ATP12A: variants seen among roughly 807,000 people sequenced by gnomAD.
The protein encoded by ATP12A is potassium-transporting ATPase alpha chain 2.
In ATP12A, 81 loss-of-function variants were observed where a neutral mutation model predicts 111.2. That is an observed-to-expected ratio of 0.73 (90% CI 0.61 to 0.88). The LOEUF (loss-of-function observed/expected upper bound fraction) is 0.88. Ranked by LOEUF, ATP12A falls within the 40% of genes least tolerant of loss-of-function variation. The probability of loss-of-function intolerance (pLI) is 0.00; values close to 1 mark genes in which losing one functional copy is unlikely to be tolerated. For missense variants in ATP12A, 1,196 were observed against 1,313.1 expected, an observed-to-expected ratio of 0.91 and a Z score of 1.38; for synonymous variants, 498 against 499.8, an observed-to-expected ratio of 1.00 and a Z score of 0.05.
At position 24,689,317 on chromosome 13, in the gene ATP12A, A is replaced by C; in HGVS notation, c.488A>C (p.Tyr163Ser). The change falls in exon 5 of 23, where the codon TAT (tyrosine) becomes TCT (serine). Residue 163 changes from tyrosine to serine, a missense_variant. Tyr to Ser is a moderately radical substitution (Grantham distance 144, BLOSUM62 -2). Coordinates refer to ENST00000381946, the MANE Select transcript of ATP12A (RefSeq NM_001676.7). ...LVVILTGIFA[Y>S]YQEAKSTNIM... Reference sequence around the variant, plus strand: ...GTCATTTTAACGGGGATCTTTGCTTATTACCAAGAGGCAAAAAGCACCAAC... The same window carrying C: ...GTCATTTTAACGGGGATCTTTGCTTCTTACCAAGAGGCAAAAAGCACCAAC... 1 of 1,614,034 alleles carries C rather than the reference A, an allele frequency of 6.2e-7. No individual in the cohort carries two copies. The highest frequency in any genetic ancestry group is 8.5e-7 in the Non-Finnish European group (1 of 1,179,986).
chr13:24,710,343 C>G (rs1293691413), intron 19 of ATP12A, 117 bp from the exon 20 acceptor site: 204 of 1,255,758 alleles, frequency 1.6e-4, no homozygotes, highest in Non-Finnish European at 2.1e-5. Flanking sequence ...AGAAGGTGGT[C>G]CATTCTCAGT....
intron 11 of ATP12A, 26 bp downstream of exon 11, chr13:24,694,604 T>A: frequency 6.2e-7 from 1 of 1,611,282 alleles, no homozygotes; most frequent in Non-Finnish European, 8.5e-7. Flanking sequence ...CAACCGGTAA[T>A]CTCTGTCATC....
At position 24,708,942 on chromosome 13, in the gene ATP12A, A is replaced by AAAGAAAGGAAGG. The variant is rs1566078294; in HGVS notation, c.2494-415_2494-414insGAAGGAAGAAAG. Reference sequence around the variant, plus strand: ...GAAAGAAAGAAAGAAAGAAAGAAAGAAAGAAAGAAAGAAAGAAAGAAGGAA... The same window carrying AAAGAAAGGAAGG: ...GAAAGAAAGAAAGAAAGAAAGAAAGAAAGAAAGGAAGGAAGAAAGAAAGAAAGAAAGAAGGAA... On this transcript the variant is annotated intron_variant, in intron 17 of 22. Coordinates refer to ENST00000381946, the MANE Select transcript of ATP12A (RefSeq NM_001676.7). Among the ~76,000 whole-genome samples, 68 of 107,858 alleles carry AAAGAAAGGAAGG rather than the reference A, an allele frequency of 6.3e-4. 1 individual carries two copies. Among genetic ancestry groups the AAAGAAAGGAAGG allele is most frequent in the Middle Eastern group, 3.9e-3 (1 of 254 alleles). The allele number at this position is 107,858 out of a possible 152,430, so 70.8% of individuals were successfully genotyped here.
chr13:24,705,394 T>A, intron 14 of ATP12A, among the ~76,000 whole-genome samples: 1 of 152,156 alleles, frequency 6.6e-6, no homozygotes, highest in East Asian at 1.9e-4. Context: ...GATTCCGGGG[T>A]CTGCTCCAAG....
chr13:24,702,088 C>T lies in ATP12A; in HGVS notation c.2018+17C>T. The T allele has an allele frequency of 6.2e-7, 1 of 1,614,132 alleles. No individual in the cohort carries two copies. The highest frequency in any genetic ancestry group is 8.5e-7 in the Non-Finnish European group (1 of 1,179,998). On this transcript the variant is annotated intron_variant, in intron 14 of 22. Transcript: ENST00000381946. ...TAACAAACGGTAAGCACAGGAGCAG[C>T]ATAGTAAAAATTCCAGTTTATACCC...
chr13:24,711,151 T>C (rs1875949778), intron 21 of ATP12A, among the ~76,000 whole-genome samples, 167 bp from the exon 22 acceptor site: 1 of 152,214 alleles, frequency 6.6e-6, no homozygotes. Context: ...GCAGTCACAG[T>C]GCAGGTTAAA....
At chr13:24,698,633 A>G in intron 11 of ATP12A, 25 bp from the exon 12 acceptor site, 2 of 1,608,438 alleles carry the variant, frequency 1.2e-6, no homozygotes, top group Non-Finnish European at 1.7e-6. Flanking sequence ...TCTGTAAGTA[A>G]CACGCTCAGT....
In ATP12A at chr13:24,707,167, T is replaced by A. The variant is rs2137720381; in HGVS notation, c.2314T>A (p.Ser772Thr). 6.2e-7 allele frequency: 1 copy of A among 1,613,990 alleles called. No homozygotes were observed. Among genetic ancestry groups the A allele is most frequent in the Non-Finnish European group, 8.5e-7 (1 of 1,179,922 alleles). The change falls in exon 16 of 23, where the codon TCC (serine) becomes ACC (threonine). Residue 772 changes from serine to threonine, a missense_variant. Coordinates refer to ENST00000381946, the MANE Select transcript of ATP12A (RefSeq NM_001676.7). ...GGTCTTGCTGGACGACAACTTCGCA[T>A]CCATCGTCACAGGGGTGGAGGAAGG... ...DMVLLDDNFA[S>T]IVTGVEEGRL...
Position 24,706,421 on chromosome 13 carries a change from C to T in ATP12A, c.2127C>T (p.Ser709=). 1 of 1,614,184 alleles carries T rather than the reference C, an allele frequency of 6.2e-7. No individual in the cohort carries two copies. Among genetic ancestry groups the T allele is most frequent in the Non-Finnish European group, 8.5e-7 (1 of 1,180,024 alleles). Residue 709 remains serine (S), a synonymous_variant, in exon 15 of 23, where the codon TCC becomes TCT. Coordinates refer to ENST00000381946, the MANE Select transcript of ATP12A (RefSeq NM_001676.7). ...AGGAGATTGTCTTTGCCCGGACATC[C>T]CCCCAGCAGAAGCTGATCATTGTGG... ...NYQEIVFART[S]PQQKLIIVEG...
chr13:24,682,478 G>A (rs1402705280), intron 2 of ATP12A, among the ~76,000 whole-genome samples: 1 of 151,548 alleles, frequency 6.6e-6, no homozygotes, highest in East Asian at 1.9e-4. Context: ...CTGCATTCTG[G>A]TTGGAGGCAG....
rs376621343 is a variant in ATP12A, at chr13:24,709,862, T to C, written c.2763+34T>C. The C allele has an allele frequency of 3.7e-6, 6 of 1,610,814 alleles. No homozygotes were observed. The African/African-American group carries it at 6.7e-5, about 18-fold the overall frequency. On this transcript the variant is annotated intron_variant, in intron 19 of 22. Coordinates refer to ENST00000381946, the MANE Select transcript of ATP12A (RefSeq NM_001676.7). ...CGGGAGCCCTGCTGCAGAGTCCACC[T>C]GATTCTCTCCATGCTCATTGCCCTG...
intron 12 of ATP12A, among the ~76,000 whole-genome samples, chr13:24,700,216 T>C (rs1385885201): frequency 1.3e-5 from 2 of 152,198 alleles, no homozygotes; most frequent in Non-Finnish European, 2.9e-5. Context: ...GGGCTTATCT[T>C]GATCTAGCAC....
At chr13:24,702,954 C>T (rs937229742) in intron 14 of ATP12A, among the ~76,000 whole-genome samples, 3 of 152,166 alleles carry the variant, frequency 2.0e-5, no homozygotes, top group East Asian at 1.9e-4. Context: ...TTCACGCATG[C>T]GGGAGATGAG....
chr13:24,709,571 G>C, intron 18 of ATP12A, 84 bp downstream of exon 18: 1 of 1,583,442 alleles, frequency 6.3e-7, no homozygotes. Flanking sequence ...AGAAAGTGTG[G>C]TTTTCCTGTG....
rs1875364655 is a variant in ATP12A, at chr13:24,700,878, A to C, written c.1837A>C (p.Thr613Pro). 2 of 1,614,226 alleles carry C rather than the reference A, an allele frequency of 1.2e-6. No individual in the cohort carries two copies. Among genetic ancestry groups the C allele is most frequent in the Admixed American group, 1.7e-5 (1 of 60,036 alleles). ...GTCAATGATCGATCCCCCTCGGTCC[A>C]CCGTGCCAGATGCAGTCACCAAATG... ...LLSMIDPPRS[T>P]VPDAVTKCRS... The change falls in exon 13 of 23, where the codon ACC becomes CCC. Residue 613 changes from threonine (T) to proline (P), a missense_variant. Thr to Pro is a conservative substitution (Grantham distance 38). Around this residue, in one of 3 missense-constraint regions of ATP12A, gnomAD observed 1,126 missense variants for 1,228.5 expected, o/e 0.92. Coordinates refer to ENST00000381946, the MANE Select transcript of ATP12A (RefSeq NM_001676.7).
rs1036851436 is a variant in ATP12A, at chr13:24,688,239, G to A, written c.229-80G>A. 2.7e-6 allele frequency: 4 copies of A among 1,474,406 alleles called. No homozygotes were observed. The South Asian group carries it at 5.7e-5, about 21-fold the overall frequency. The allele number at this position is 1,474,406 out of a possible 1,614,324, so 91.3% of individuals were successfully genotyped here. ...GCCTCACCCCAAGCTGCAAAAATAT[G>A]CAGCCCAACCCCTGAGGGAGGAGGA... On this transcript the variant is annotated intron_variant, in intron 3 of 22. Coordinates refer to ENST00000381946, the MANE Select transcript of ATP12A (RefSeq NM_001676.7).
At position 24,711,310 on chromosome 13, in the gene ATP12A, G is replaced by C; in HGVS notation, c.3000-8G>C. On this transcript the variant is annotated splice_polypyrimidine_tract_variant and splice_region_variant and intron_variant, in intron 21 of 22. Transcript: ENST00000381946. ...GTCAGGGTTCACTTTCCATCCCTTT[G>C]CTTCCAGGGCTCAGTACTGGTTTGT... 1 of 1,590,864 alleles carries C rather than the reference G, an allele frequency of 6.3e-7. No homozygotes were observed. The highest frequency in any genetic ancestry group is 8.6e-7 in the Non-Finnish European group (1 of 1,167,076).
Position 24,692,846 on chromosome 13 carries a change from T to C in ATP12A, c.1327T>C (p.Cys443Arg). 1 of 1,614,216 alleles carries C rather than the reference T, an allele frequency of 6.2e-7. No homozygotes were observed. Among genetic ancestry groups the C allele is most frequent in the East Asian group, 2.2e-5 (1 of 44,886 alleles). ...WASLSKIITL[C>R]NRAEFKPGQE... is the part of the protein sequence containing the mutation. The stretch of plus-strand genomic sequence containing the variant: ...CTCCTTATCCAAGATAATAACATTG[T>C]GTAACCGAGCAGAGTTCAAGCCAGG... The change falls in exon 10 of 23, where the codon TGT (cysteine) becomes CGT (arginine). Residue 443 changes from cysteine to arginine, a missense_variant. By Grantham distance (180) the Cys-to-Arg change is radical (BLOSUM62 -3). Coordinates refer to ENST00000381946, the MANE Select transcript of ATP12A (RefSeq NM_001676.7).
Position 24,685,241 on chromosome 13 carries a change from G to A in ATP12A, c.169-73G>A. 1 of 1,450,902 alleles carries A rather than the reference G, an allele frequency of 6.9e-7. No homozygotes were observed. The highest frequency in any genetic ancestry group is 9.7e-7 in the Non-Finnish European group (1 of 1,032,172). The allele number at this position is 1,450,902 out of a possible 1,614,324, so 89.9% of individuals were successfully genotyped here. Reference sequence around the variant, plus strand: ...AGGGCTGCTACTCCCAGCTTCCATGGCTGGTCAAAGCTTGGGGCTTGAGTC... The same window carrying A: ...AGGGCTGCTACTCCCAGCTTCCATGACTGGTCAAAGCTTGGGGCTTGAGTC... On this transcript the variant is annotated intron_variant, in intron 2 of 22. Transcript: ENST00000381946. The surrounding 1 kb of genome is among the most constrained non-coding windows in gnomAD (Gnocchi z 5.5).
Sources: allele counts gnomAD v4.1 joint callset (sites outside exome capture counted in the v4.1 genomes callset), GRCh38; gene constraint gnomAD v4.1.1; regional missense constraint gnomAD v4.1.1; non-coding constraint Gnocchi (gnomAD v3.1); transcripts MANE v1.5; gene names NCBI Gene and HGNC (gene_info 2026-07-23, HGNC 2026-07-21).